PLA2G12B: variants seen among roughly 807,000 people sequenced by gnomAD.
PLA2G12B encodes the protein group XIIB secretory phospholipase A2-like protein.
Under a neutral mutation model 22.3 loss-of-function variants are expected in PLA2G12B, and 19 were observed. The ratio of observed to expected loss-of-function variants is 0.85; its 90% CI spans 0.60 to 1.25. PLA2G12B has a LOEUF of 1.25. PLA2G12B is among the 50% of genes most tolerant of loss of function. PLA2G12B has a pLI of 0.00. For synonymous variants in PLA2G12B, 81 were observed against 94.9 expected (o/e 0.85, Z 0.85); for missense variants, 191 against 246.6 (o/e 0.77, Z 1.51).
rs778305328 is a variant in PLA2G12B, at chr10:72,941,298, T to G, written c.337A>C (p.Asn113His). The change falls in exon 3 of 4, where the codon AAC becomes CAC. Residue 113 changes from asparagine to histidine, a missense_variant. By Grantham distance (68) the Asn-to-His change is moderately conservative. Transcript: ENST00000373032. ...GTGTCATAACAGACATCCAGCTGGTTGCAGCACTTTGTCATTGCTGGAATG... is the reference window on the plus strand; with the variant it reads ...GTGTCATAACAGACATCCAGCTGGTGGCAGCACTTTGTCATTGCTGGAATG... ...LGIPAMTKCC[N>H]QLDVCYDTCG... The G allele has an allele frequency of 6.2e-7, 1 of 1,613,980 alleles. No homozygotes were observed. The highest frequency in any genetic ancestry group is 1.6e-4 in the Middle Eastern group (1 of 6,062).
Position 72,935,606 on chromosome 10 carries a change from T to G in PLA2G12B, c.*11A>C. 1 of 1,613,646 alleles carries G rather than the reference T, an allele frequency of 6.2e-7. No homozygotes were observed. The highest frequency in any genetic ancestry group is 8.5e-7 in the Non-Finnish European group (1 of 1,179,766). ...GGTGTCACTCAAAACCAGGAAGGAA[T>G]CACTTCTTCCTCATAACTCTTCCTT... On this transcript the variant is annotated 3_prime_UTR_variant, in exon 4 of 4. Coordinates refer to ENST00000373032, the MANE Select transcript of PLA2G12B (RefSeq NM_032562.5).
At chr10:72,938,115 G>GAAA (rs78360766) in intron 3 of PLA2G12B, among the ~76,000 whole-genome samples, 4 of 59,082 alleles carry the variant, frequency 6.8e-5, no homozygotes, top group African/African-American at 1.3e-4. Context: ...CTCCATCTCA[G>GAAA]AAAAAAAAAA....
chr10:72,948,266 C>T (rs1410937112), intron 1 of PLA2G12B, among the ~76,000 whole-genome samples: 1 of 152,086 alleles, frequency 6.6e-6, no homozygotes, highest in South Asian at 2.1e-4. Flanking sequence ...TGCCTTTTTG[C>T]CCTTGATAAC....
In PLA2G12B at chr10:72,949,837, G is replaced by A. The variant is rs549722142; in HGVS notation, c.211+4638C>T. Reference sequence around the variant, plus strand: ...TACTAAAAATACAAAGTAACTAGGCGTGGTGGCGCATGCCTGTAATCCCAG... The same window carrying A: ...TACTAAAAATACAAAGTAACTAGGCATGGTGGCGCATGCCTGTAATCCCAG... On this transcript the variant is annotated intron_variant, in intron 1 of 3. Transcript: ENST00000373032. Among the ~76,000 whole-genome samples the A allele has an allele frequency of 3.3e-5, 5 of 152,284 alleles. No homozygotes were observed. In the South Asian group the frequency reaches 8.3e-4, roughly 25 times the overall value.
intron 1 of PLA2G12B, among the ~76,000 whole-genome samples, chr10:72,953,818 C>T (rs373843029): frequency 6.6e-6 from 1 of 152,310 alleles, no homozygotes; most frequent in East Asian, 1.9e-4. Context: ...GGGGACAGCC[C>T]CGGGATCCCT....
chr10:72,935,679 G>A lies in PLA2G12B; in HGVS notation c.526C>T (p.Pro176Ser). Residue 176 changes from proline to serine, a missense_variant, in exon 4 of 4, where the codon CCC becomes TCC. Transcript: ENST00000373032. ...GCTGCCCGCTGACTATTCATAAAGG[G>A]GCGGCAGCCCAAGGTCCACACGGTG... ...FNTVWTLGCR[P>S]FMNSQRAACI... The A allele has an allele frequency of 6.2e-7, 1 of 1,614,166 alleles. No individual in the cohort carries two copies. Among genetic ancestry groups the A allele is most frequent in the Non-Finnish European group, 8.5e-7 (1 of 1,180,036 alleles).
chr10:72,937,838 C>T (rs968366341), intron 3 of PLA2G12B, among the ~76,000 whole-genome samples: 4 of 151,956 alleles, frequency 2.6e-5, no homozygotes, highest in Non-Finnish European at 4.4e-5. Flanking sequence ...CACTTTTTCA[C>T]GATAAAAACA....
rs1473110870 is a variant in PLA2G12B, at chr10:72,941,335, CT to C, written c.301-2del. On this transcript the variant is annotated splice_acceptor_variant, in intron 2 of 3. Transcript: ENST00000373032. LOFTEE classifies it high-confidence loss of function. ...TCATTGCTGGAATGCCCAAGTCCAT[CT>C]GGGGAAAAGTGAAGGAAGGGAAAAG... 2 of 1,612,706 alleles carry C rather than the reference CT, an allele frequency of 1.2e-6. No homozygotes were observed. Among genetic ancestry groups the C allele is most frequent in the South Asian group, 2.2e-5 (2 of 90,976 alleles).
At chr10:72,937,266 A>G (rs1229063022) in intron 3 of PLA2G12B, among the ~76,000 whole-genome samples, 1 of 152,234 alleles carries the variant, frequency 6.6e-6, no homozygotes, top group Admixed American at 6.5e-5. Flanking sequence ...TACATGCCAA[A>G]AAATGTTGAT....
chr10:72,939,418 G>C (rs1009634966), intron 3 of PLA2G12B, among the ~76,000 whole-genome samples: 1 of 151,968 alleles, frequency 6.6e-6, no homozygotes, highest in African/African-American at 2.4e-5. Context: ...CAAATATTCT[G>C]TGATAAAAAT....
chr10:72,939,942 C>CA (rs1846334103), intron 3 of PLA2G12B, among the ~76,000 whole-genome samples: 3 of 152,298 alleles, frequency 2.0e-5, no homozygotes, highest in African/African-American at 7.2e-5. Flanking sequence ...AGATGGGACA[C>CA]AGAGACTGGG....
In PLA2G12B at chr10:72,945,656, T is replaced by G. The variant is rs113734671; in HGVS notation, c.212-2916A>C. ...CTGTTGCAGTTGCCATTATGATGTT[T>G]TTTTTTTTTCAGATGGAATCTCGCT... On this transcript the variant is annotated intron_variant, in intron 1 of 3. Coordinates refer to ENST00000373032, the MANE Select transcript of PLA2G12B (RefSeq NM_032562.5). 1.3e-3 allele frequency among the ~76,000 whole-genome samples: 182 copies of G among 145,016 alleles called. 1 individual carries two copies. The highest frequency in any genetic ancestry group is 4.4e-3 in the African/African-American group (163 of 36,668).
intron 3 of PLA2G12B, among the ~76,000 whole-genome samples, chr10:72,938,840 G>A (rs1589537505): frequency 6.6e-6 from 1 of 152,302 alleles, no homozygotes. Flanking sequence ...ATATGGAAAT[G>A]TGAGGGATCC....
chr10:72,940,982 A>G (rs768324115), intron 3 of PLA2G12B, among the ~76,000 whole-genome samples, 187 bp downstream of exon 3: 19 of 152,302 alleles, frequency 1.2e-4, no homozygotes, highest in Non-Finnish European at 2.6e-4. Flanking sequence ...CGGGCAGGAC[A>G]GCAAGAACTT....
At position 72,951,692 on chromosome 10, in the gene PLA2G12B, A is replaced by C. The variant is rs188395495; in HGVS notation, c.211+2783T>G. Among the ~76,000 whole-genome samples the C allele has an allele frequency of 8.3e-4, 126 of 152,116 alleles. 1 individual carries two copies. The highest frequency in any genetic ancestry group is 2.6e-3 in the African/African-American group (108 of 41,516). ...GCCAGGATGGTCTCGATCTCCTGAC[A>C]TCGTGATCTGCCTGCCTTGGCCTCC... On this transcript the variant is annotated intron_variant, in intron 1 of 3. Transcript: ENST00000373032.
At chr10:72,945,795 G>A (rs895654560) in intron 1 of PLA2G12B, among the ~76,000 whole-genome samples, 16 of 151,864 alleles carry the variant, frequency 1.1e-4, no homozygotes, top group African/African-American at 3.9e-4. Context: ...TTACAGGCAC[G>A]CACCACCACA....
chr10:72,941,218 C>A lies in PLA2G12B; in HGVS notation c.417G>T (p.Ser139=). 1.9e-6 allele frequency: 3 copies of A among 1,614,040 alleles called. No homozygotes were observed. Among genetic ancestry groups the A allele is most frequent in the Non-Finnish European group, 2.5e-6 (3 of 1,180,000 alleles). Reference sequence around the variant, plus strand: ...GACTCCGCTTAAGGTCAGAGCAGATCGAGTGGAGACACCATCGGAATTTTG... The same window carrying A: ...GACTCCGCTTAAGGTCAGAGCAGATAGAGTGGAGACACCATCGGAATTTTG... ...CDAKFRWCLH[S]ICSDLKRSLG... The change falls in exon 3 of 4, where the codon TCG becomes TCT. Residue 139 remains serine (S), a synonymous_variant. Coordinates refer to ENST00000373032, the MANE Select transcript of PLA2G12B (RefSeq NM_032562.5).
At chr10:72,949,550 G>T (rs1291329434) in intron 1 of PLA2G12B, among the ~76,000 whole-genome samples, 1 of 152,072 alleles carries the variant, frequency 6.6e-6, no homozygotes, top group Non-Finnish European at 1.5e-5. Context: ...TCAATGATAT[G>T]ATTTTTCTAT....
intron 3 of PLA2G12B, 59 bp from the exon 4 acceptor site, chr10:72,935,797 C>A: frequency 1.3e-6 from 2 of 1,570,080 alleles, no homozygotes; most frequent in South Asian, 1.2e-5. Flanking sequence ...AAGAGTATTT[C>A]CAGGCATGAC....
Sources: allele counts gnomAD v4.1 joint callset (sites outside exome capture counted in the v4.1 genomes callset), GRCh38; gene constraint gnomAD v4.1.1; transcripts MANE v1.5; gene names NCBI Gene and HGNC (gene_info 2026-07-23, HGNC 2026-07-21).